Variants in ASPA observed in about 807,000 individuals in gnomAD.
ASPA encodes the protein ACY-2.
A neutral mutation model predicts 29.6 loss-of-function variants in ASPA; 25 were observed. The observed-to-expected ratio is 0.85, with a 90% CI of 0.62 to 1.18. The LOEUF is 1.18. Among genes scored for constraint, ASPA ranks in the 50% most tolerant of loss-of-function variants. The probability of loss-of-function intolerance (pLI) is 0.00; values close to 1 mark genes in which losing one functional copy is unlikely to be tolerated. For synonymous variants in ASPA, 131 were observed against 130.3 expected (o/e 1.01, Z -0.04); for missense variants, 333 against 385.7 (o/e 0.86, Z 1.14).
At chr17:3,478,392 C>G (rs533414668) in intron 1 of ASPA, among the ~76,000 whole-genome samples, 6 of 152,240 alleles carry the variant, frequency 3.9e-5, no homozygotes, top group African/African-American at 1.4e-4. Flanking sequence ...CTGCAGTCAT[C>G]CTGTTTGTAT....
rs1323270397 is a variant in ASPA at position 3,482,430 on chromosome 17, A to T, written c.432+632A>T. ...AACCAACCAGAAACACACATAAGGA[A>T]CTGTATGCTTATTTCTGTGTACTAG... is the stretch of plus-strand genomic sequence containing the variant. On this transcript the variant is annotated intron_variant, in intron 2 of 5. Transcript: ENST00000263080. Among the ~76,000 whole-genome samples the T allele has an allele frequency of 5.9e-5, 9 of 152,304 alleles. No individual in the cohort carries two copies. The East Asian group carries it at 1.5e-3, about 26-fold the overall frequency.
At chr17:3,479,993 G>GA (rs1176772312) in intron 1 of ASPA, among the ~76,000 whole-genome samples, 3 of 151,988 alleles carry the variant, frequency 2.0e-5, no homozygotes, top group East Asian at 1.9e-4. Context: ...CCTTGTGCCA[G>GA]AAAAAAAATA....
intron 4 of ASPA, among the ~76,000 whole-genome samples, chr17:3,493,800 C>A (rs2150758337): frequency 6.6e-6 from 1 of 152,188 alleles, no homozygotes; most frequent in South Asian, 2.1e-4. Flanking sequence ...GACCCCTAAA[C>A]CTAGATTCTT....
Position 3,498,913 on chromosome 17 carries a change from A to G in ASPA, c.767A>G (p.His256Arg), listed in dbSNP as rs2073954194. The change falls in exon 6 of 6, where the codon CAT (histidine) becomes CGT (arginine). Residue 256 changes from histidine to arginine, a missense_variant. Coordinates refer to ENST00000263080, the MANE Select transcript of ASPA (RefSeq NM_000049.4). Reference sequence around the variant, plus strand: ...GAGGATCAAGACTGGAAACCACTGCATCCTGGGGATCCCATGTTTTTAACT... The same window carrying G: ...GAGGATCAAGACTGGAAACCACTGCGTCCTGGGGATCCCATGTTTTTAACT... ...NLQDQDWKPL[H>R]PGDPMFLTLD... 2 of 1,605,644 alleles carry G rather than the reference A, an allele frequency of 1.2e-6. No homozygotes were observed. Among genetic ancestry groups the G allele is most frequent in the Admixed American group, 3.4e-5 (2 of 59,044 alleles).
chr17:3,478,303 C>T (rs1052304583), intron 1 of ASPA, among the ~76,000 whole-genome samples: 1 of 152,168 alleles, frequency 6.6e-6, no homozygotes, highest in Non-Finnish European at 1.5e-5. Flanking sequence ...TTAGTCTCAA[C>T]ACAGATCAAA....
Position 3,476,012 on chromosome 17 carries a change from AAATT to A in ASPA, c.-145_-142del, listed in dbSNP as rs2073515661. ...AACGGGGCTCAGAACTTGTAACAGAAAATTAAAATATACTCCACTCAAGGGAATT... is the reference window on the plus strand; with the variant it reads ...AACGGGGCTCAGAACTTGTAACAGAAAAAATATACTCCACTCAAGGGAATT... On this transcript the variant is annotated 5_prime_UTR_variant, in exon 1 of 6. Coordinates refer to ENST00000263080, the MANE Select transcript of ASPA (RefSeq NM_000049.4). 2 of 729,098 alleles carry A rather than the reference AAATT, an allele frequency of 2.7e-6. No individual in the cohort carries two copies. Among genetic ancestry groups the A allele is most frequent in the Non-Finnish European group, 4.5e-6 (2 of 441,608 alleles). 45.2% of individuals were successfully genotyped at this position (729,098 alleles called of 1,614,324 possible).
chr17:3,500,474 T>C lies in ASPA; in HGVS notation c.*1386T>C, dbSNP rs953703601. The C allele has an allele frequency of 6.6e-6, 1 of 152,056 alleles. No homozygotes were observed. The highest frequency in any genetic ancestry group is 1.5e-5 in the Non-Finnish European group (1 of 68,018). 9.4% of individuals were successfully genotyped at this position (152,056 alleles called of 1,614,324 possible). A position where few individuals can be genotyped will look rare whatever the true frequency, so the allele number is the denominator to read the frequency against. On this transcript the variant is annotated 3_prime_UTR_variant, in exon 6 of 6. Coordinates refer to ENST00000263080, the MANE Select transcript of ASPA (RefSeq NM_000049.4). The stretch of plus-strand genomic sequence containing the variant: ...GACTTTGGGTTAAAGCCAAAGCTCA[T>C]TAACTGTTTCAAAAATCCTAAAACT...
chr17:3,480,931 G>A (rs529333427), intron 1 of ASPA, among the ~76,000 whole-genome samples: 7 of 152,274 alleles, frequency 4.6e-5, no homozygotes, highest in South Asian at 4.2e-4. Context: ...ACCAGCCTGG[G>A]CAACAGAGCA....
chr17:3,483,545 C>G lies in ASPA; in HGVS notation c.479C>G (p.Pro160Arg). ...TGCTACGTTTATCTGATTGAGCATC[C>G]TTCCCTCAAATATGCGACCACTCGT... The part of the protein sequence containing the change: ...LPCYVYLIEH[P>R]SLKYATTRSI... The change falls in exon 3 of 6, where the codon CCT becomes CGT. Residue 160 changes from proline to arginine, a missense_variant. Transcript: ENST00000263080. The G allele has an allele frequency of 6.2e-7, 1 of 1,614,132 alleles. No individual in the cohort carries two copies. Among genetic ancestry groups the G allele is most frequent in the Non-Finnish European group, 8.5e-7 (1 of 1,180,014 alleles).
chr17:3,490,487 G>C lies in ASPA; in HGVS notation c.634+1145G>C, dbSNP rs189716288. On this transcript the variant is annotated intron_variant, in intron 4 of 5. Coordinates refer to ENST00000263080, the MANE Select transcript of ASPA (RefSeq NM_000049.4). This position sits in a 1 kb window ranked among gnomAD's most constrained non-coding sequence, Gnocchi z 4.6. ...GGAATGGGCAATTATAATAACAGAG[G>C]GGGTGTGTACTTCGGTGTCTGTGGG... 1.7e-4 allele frequency among the ~76,000 whole-genome samples: 26 copies of C among 152,260 alleles called. No individual in the cohort carries two copies. The East Asian group carries it at 4.8e-3, about 28-fold the overall frequency.
At position 3,502,298 on chromosome 17, in the gene ASPA, T is replaced by C. The variant is rs1348230473; in HGVS notation, c.*3210T>C. 6.6e-6 allele frequency: 1 copy of C among 152,262 alleles called. No individual in the cohort carries two copies. The highest frequency in any genetic ancestry group is 1.9e-4 in the East Asian group (1 of 5,202). 9.4% of individuals were successfully genotyped at this position (152,262 alleles called of 1,614,324 possible). ...TAACATACTACATATAGTGTGAGCATAACTTTTACACGTACTGGAAAATCA... is the reference window on the plus strand; with the variant it reads ...TAACATACTACATATAGTGTGAGCACAACTTTTACACGTACTGGAAAATCA... On this transcript the variant is annotated 3_prime_UTR_variant, in exon 6 of 6. Coordinates refer to ENST00000263080, the MANE Select transcript of ASPA (RefSeq NM_000049.4).
At chr17:3,489,390 TAA>T (rs1193577789) in intron 4 of ASPA, 48 bp downstream of exon 4, 2 of 1,445,352 alleles carry the variant, frequency 1.4e-6, no homozygotes, top group African/African-American at 2.8e-5. Flanking sequence ...ACCAAACATT[TAA>T]ATAACAATTG....
intron 4 of ASPA, among the ~76,000 whole-genome samples, chr17:3,492,802 C>T (rs1426835083): frequency 1.3e-5 from 2 of 152,120 alleles, no homozygotes; most frequent in Non-Finnish European, 2.9e-5. Context: ...AGGATCCAGC[C>T]TCCAGGTGAG....
At position 3,485,202 on chromosome 17, in the gene ASPA, G is replaced by C. The variant is rs1039538392; in HGVS notation, c.526+1610G>C. The stretch of plus-strand genomic sequence containing the variant: ...TTCAGCTAATTTTTTATTTTTTGTA[G>C]AGACAGGATCTCAGTATGATCAGGT... On this transcript the variant is annotated intron_variant, in intron 3 of 5. Coordinates refer to ENST00000263080, the MANE Select transcript of ASPA (RefSeq NM_000049.4). The surrounding 1 kb of genome is among the most constrained non-coding windows in gnomAD (Gnocchi z 4.4). Among the ~76,000 whole-genome samples the C allele has an allele frequency of 6.6e-6, 1 of 151,982 alleles. No individual in the cohort carries two copies. The highest frequency in any genetic ancestry group is 2.1e-4 in the South Asian group (1 of 4,824).
In ASPA at chr17:3,502,093, C is replaced by G. The variant is rs116109217; in HGVS notation, c.*3005C>G. ...GTTGTTTTATTTTAAGAAATTGTCA[C>G]GGCCATCCCAACCCTCAGTGCCCAA... is the stretch of plus-strand genomic sequence containing the variant. On this transcript the variant is annotated 3_prime_UTR_variant, in exon 6 of 6. Coordinates refer to ENST00000263080, the MANE Select transcript of ASPA (RefSeq NM_000049.4). 1 of 152,188 alleles carries G rather than the reference C, an allele frequency of 6.6e-6. No individual in the cohort carries two copies. Among genetic ancestry groups the G allele is most frequent in the African/African-American group, 2.4e-5 (1 of 41,394 alleles). The allele number at this position is 152,188 out of a possible 1,614,324, so 9.4% of individuals were successfully genotyped here. A position where few individuals can be genotyped will look rare whatever the true frequency, so the allele number is the denominator to read the frequency against.
chr17:3,497,610 G>A (rs948359181), intron 5 of ASPA, among the ~76,000 whole-genome samples: 2 of 152,126 alleles, frequency 1.3e-5, no homozygotes, highest in African/African-American at 4.8e-5. Context: ...CCCTCTACCT[G>A]TATATATGTA....
At position 3,485,586 on chromosome 17, in the gene ASPA, G is replaced by A. The variant is rs2073704421; in HGVS notation, c.526+1994G>A. Among the ~76,000 whole-genome samples, 1 of 152,188 alleles carries A rather than the reference G, an allele frequency of 6.6e-6. No individual in the cohort carries two copies. The highest frequency in any genetic ancestry group is 1.5e-5 in the Non-Finnish European group (1 of 68,026). On this transcript the variant is annotated intron_variant, in intron 3 of 5. Transcript: ENST00000263080. This position sits in a 1 kb window ranked among gnomAD's most constrained non-coding sequence, Gnocchi z 4.4. Reference sequence around the variant, plus strand: ...ATACATTCATGAGCTTGTCCGGAGTGATCAGATTTGACTGGATCAGAAAGG... The same window carrying A: ...ATACATTCATGAGCTTGTCCGGAGTAATCAGATTTGACTGGATCAGAAAGG...
In ASPA at chr17:3,503,307, C is replaced by G. The variant is rs1396386583; in HGVS notation, c.*4219C>G. ...CCAGTTTTACTCCATACTCAGTGTT[C>G]TGGAAAGCCCATATTCTTTCTAAAT... On this transcript the variant is annotated 3_prime_UTR_variant, in exon 6 of 6. Coordinates refer to ENST00000263080, the MANE Select transcript of ASPA (RefSeq NM_000049.4). 1 of 152,194 alleles carries G rather than the reference C, an allele frequency of 6.6e-6. No individual in the cohort carries two copies. The highest frequency in any genetic ancestry group is 6.5e-5 in the Admixed American group (1 of 15,284). 9.4% of individuals were successfully genotyped at this position (152,194 alleles called of 1,614,324 possible). A position where few individuals can be genotyped will look rare whatever the true frequency, so the allele number is the denominator to read the frequency against.
chr17:3,482,936 C>T (rs945032189), intron 2 of ASPA, among the ~76,000 whole-genome samples: 1 of 110,660 alleles, frequency 9.0e-6, no homozygotes, highest in East Asian at 3.3e-4. Context: ...GCTATCCCTC[C>T]CCCCTCCCCC....
Sources: gnomAD v4.1 joint callset for allele counts (sites outside exome capture counted in the v4.1 genomes callset) on GRCh38, gnomAD v4.1.1 for gene constraint, Gnocchi (gnomAD v3.1) non-coding constraint, MANE v1.5 for transcripts, NCBI Gene and HGNC (gene_info 2026-07-23, HGNC 2026-07-21) for gene names.